ZNF704: variants seen among roughly 807,000 people sequenced by gnomAD.
ZNF704 encodes the protein glucocorticoid induced gene 1.
Under a neutral mutation model 44.7 loss-of-function variants are expected in ZNF704, and 10 were observed. The observed-to-expected ratio is 0.22, with a 90% CI of 0.14 to 0.38. The LOEUF (loss-of-function observed/expected upper bound fraction) is 0.38, where lower values mean the gene tolerates loss of function less well. ZNF704 is among the 10% of genes least tolerant of loss of function. The pLI is 1.00. For synonymous variants in ZNF704, 211 were observed against 207.6 expected, an observed-to-expected ratio of 1.02 and a Z score of -0.14; for missense variants, 390 against 545.5, an observed-to-expected ratio of 0.71 and a Z score of 2.84.
chr8:80,676,364 G>A (rs1224036389), intron 4 of ZNF704, among the ~76,000 whole-genome samples: 1 of 152,182 alleles, frequency 6.6e-6, no homozygotes, highest in Non-Finnish European at 1.5e-5. Context: ...GAGAAGCAGG[G>A]GTTAGCTACA....
chr8:80,846,228 A>T (rs1443140848), intron 1 of ZNF704, among the ~76,000 whole-genome samples: 1 of 152,096 alleles, frequency 6.6e-6, no homozygotes, highest in Non-Finnish European at 1.5e-5. Context: ...ACCTTCACTG[A>T]TATTTTTTAG....
At chr8:80,675,400 T>C (rs1420467875) in intron 4 of ZNF704, among the ~76,000 whole-genome samples, 1 of 152,174 alleles carries the variant, frequency 6.6e-6, no homozygotes, top group Non-Finnish European at 1.5e-5. Context: ...GTAAGGAATT[T>C]GGATTTTCTT....
At chr8:80,724,543 C>T (rs1287436206) in intron 2 of ZNF704, among the ~76,000 whole-genome samples, 4 of 152,150 alleles carry the variant, frequency 2.6e-5, no homozygotes, top group Non-Finnish European at 5.9e-5. Context: ...GGATGATTCC[C>T]CCAAATGTCT....
At chr8:80,728,692 G>A (rs1563533246) in intron 2 of ZNF704, among the ~76,000 whole-genome samples, 1 of 152,140 alleles carries the variant, frequency 6.6e-6, no homozygotes, top group Non-Finnish European at 1.5e-5. Flanking sequence ...TTTGCAGCCA[G>A]GTCTGTTTAT....
At chr8:80,726,407 C>T (rs1013580474) in intron 2 of ZNF704, among the ~76,000 whole-genome samples, 3 of 152,046 alleles carry the variant, frequency 2.0e-5, no homozygotes, top group Non-Finnish European at 2.9e-5. Flanking sequence ...TTTTCAGCTA[C>T]AGGGGAGATT....
At chr8:80,763,878 T>C (rs1161796697) in intron 2 of ZNF704, among the ~76,000 whole-genome samples, 5 of 152,212 alleles carry the variant, frequency 3.3e-5, no homozygotes, top group African/African-American at 1.2e-4. Context: ...CACAGGTCTC[T>C]CTAGGACAGG....
intron 2 of ZNF704, among the ~76,000 whole-genome samples, chr8:80,777,611 G>C (rs1471945885): frequency 6.6e-6 from 1 of 152,050 alleles, no homozygotes; most frequent in Non-Finnish European, 1.5e-5. Context: ...AGGCATGGTA[G>C]CTCACACCTG....
intron 1 of ZNF704, among the ~76,000 whole-genome samples, chr8:80,873,854 C>CGCGGCG (rs896417638): frequency 2.0e-5 from 3 of 146,372 alleles, no homozygotes; most frequent in South Asian, 2.1e-4. Flanking sequence ...CCCGGCGCTG[C>CGCGGCG]GCGGCGGCGG....
intron 1 of ZNF704, among the ~76,000 whole-genome samples, chr8:80,841,026 C>T (rs572276504): frequency 6.6e-6 from 1 of 152,288 alleles, no homozygotes; most frequent in Non-Finnish European, 1.5e-5. Context: ...GACAACTGCA[C>T]ATAGCCAGGA....
chr8:80,644,880 AG>A lies in ZNF704; in HGVS notation c.1033-1752del, dbSNP rs1210011949. 3.9e-6 allele frequency: 3 copies of A among 771,864 alleles called. No individual in the cohort carries two copies. The African/African-American group carries it at 5.2e-5, about 13-fold the overall frequency. The allele number at this position is 771,864 out of a possible 1,614,324, so 47.8% of individuals were successfully genotyped here. A position where few individuals can be genotyped will look rare whatever the true frequency, so the allele number is the denominator to read the frequency against. ...ATAATAATGTTATCTGAAAGATGTT[AG>A]GAAGTAAGGACAGCTGTGTAAAGCT... On this transcript the variant is annotated intron_variant, in intron 7 of 8. Coordinates refer to ENST00000327835, the MANE Select transcript of ZNF704 (RefSeq NM_001033723.3).
At chr8:80,789,753 A>G (rs1264186851) in intron 2 of ZNF704, among the ~76,000 whole-genome samples, 3 of 152,054 alleles carry the variant, frequency 2.0e-5, no homozygotes, top group South Asian at 4.1e-4. Context: ...TGAAAAACTA[A>G]TAACAAAAAA....
chr8:80,856,119 A>G (rs1048817408), intron 1 of ZNF704, among the ~76,000 whole-genome samples: 3 of 152,080 alleles, frequency 2.0e-5, no homozygotes, highest in African/African-American at 7.2e-5. Flanking sequence ...TGCTGTGCTC[A>G]GCCAATTCTT....
At chr8:80,810,606 G>T (rs979170748) in intron 2 of ZNF704, among the ~76,000 whole-genome samples, 1 of 152,114 alleles carries the variant, frequency 6.6e-6, no homozygotes, top group African/African-American at 2.4e-5. Context: ...AGAGTATCTG[G>T]TAACAACTAA....
intron 2 of ZNF704, among the ~76,000 whole-genome samples, chr8:80,769,205 G>A (rs1481218923): frequency 3.3e-5 from 5 of 152,168 alleles, no homozygotes; most frequent in Non-Finnish European, 5.9e-5. Context: ...ACTTATTGAT[G>A]AAACTCCTGA....
intron 4 of ZNF704, 111 bp from the exon 5 acceptor site, chr8:80,670,714 G>C: frequency 1.4e-6 from 1 of 723,024 alleles, no homozygotes; most frequent in Non-Finnish European, 2.4e-6. Context: ...AGCATCCCCA[G>C]CCTCTTGACT....
chr8:80,863,939 C>T (rs1809110974), intron 1 of ZNF704, among the ~76,000 whole-genome samples: 1 of 152,080 alleles, frequency 6.6e-6, no homozygotes, highest in South Asian at 2.1e-4. Context: ...TTTCTTCTCC[C>T]TTGGCACTTT....
At chr8:80,751,491 C>T (rs1806942868) in intron 2 of ZNF704, among the ~76,000 whole-genome samples, 1 of 152,208 alleles carries the variant, frequency 6.6e-6, no homozygotes. Context: ...TGCTATTTAC[C>T]CACCACATAT....
intron 1 of ZNF704, among the ~76,000 whole-genome samples, chr8:80,868,747 G>C (rs76290232): frequency 0.011 from 1,693 of 152,130 alleles, 75 homozygotes; most frequent in Admixed American, 0.074. Context: ...TTCTTTTATT[G>C]ATTTTTTTGG....
At chr8:80,689,485 T>C (rs1818596332) in intron 3 of ZNF704, among the ~76,000 whole-genome samples, 1 of 152,288 alleles carries the variant, frequency 6.6e-6, no homozygotes, top group African/African-American at 2.4e-5. Context: ...CCAGACTAGA[T>C]TTGCCTATTG....
Sources: allele counts gnomAD v4.1 joint callset (sites outside exome capture counted in the v4.1 genomes callset), GRCh38; gene constraint gnomAD v4.1.1; transcripts MANE v1.5; gene names NCBI Gene and HGNC (gene_info 2026-07-23, HGNC 2026-07-21).